The following CELF2 variants were observed in gnomAD, a reference collection of about 807,000 sequenced individuals.
CELF2 encodes the protein CUG triplet repeat RNA-binding protein 2.
A neutral mutation model predicts 62.6 loss-of-function variants in CELF2; 8 were observed. The observed-to-expected ratio is 0.13, with a 90% CI of 0.07 to 0.23. The LOEUF is 0.23. CELF2 is among the 10% of genes least tolerant of loss of function. The pLI, the probability that CELF2 is intolerant of heterozygous loss-of-function variation, is 1.00. For missense variants in CELF2, 333 were observed against 671.0 expected, an observed-to-expected ratio of 0.50 and a Z score of 5.56; for synonymous variants, 258 against 250.0, an observed-to-expected ratio of 1.03 and a Z score of -0.30.
the CELF2 span, among the ~76,000 whole-genome samples, chr10:10,494,501 C>A: frequency 2.6e-5 from 4 of 152,150 alleles, no homozygotes; most frequent in African/African-American, 9.6e-5. Flanking sequence ...GTTTTACATA[C>A]GGGAAGAACA....
Position 11,270,801 on chromosome 10 carries a change from G to A in CELF2, c.754G>A (p.Gly252Arg), listed in dbSNP as rs1419860276. Residue 252 changes from glycine (G) to arginine (R), a missense_variant, in exon 7 of 13, where the codon GGA (glycine) becomes AGA (arginine). Transcript: ENST00000633077. The surrounding 1 kb of genome is among the most constrained non-coding windows in gnomAD (Gnocchi z 5.8). ...ATWGNLTGLG[G>R]LTPQYLALLQ... ...CTGGGGGAACCTGACAGGGCTGGGC[G>A]GACTGACCCCACAGTATCTGGCGGT... 2 of 1,485,628 alleles carry A rather than the reference G, an allele frequency of 1.3e-6. No individual in the cohort carries two copies. Among genetic ancestry groups the A allele is most frequent in the African/African-American group, 1.4e-5 (1 of 70,152 alleles). 92.0% of individuals were successfully genotyped at this position (1,485,628 alleles called of 1,614,324 possible). A position where few individuals can be genotyped will look rare whatever the true frequency, so the allele number is the denominator to read the frequency against.
At chr10:11,062,536 C>T (rs897242396) in intron 1 of CELF2, among the ~76,000 whole-genome samples, 4 of 152,104 alleles carry the variant, frequency 2.6e-5, no homozygotes, top group African/African-American at 9.7e-5. Context: ...GGTTTCAAGA[C>T]TTCATTGGAG....
the CELF2 span, among the ~76,000 whole-genome samples, chr10:10,622,923 T>C: frequency 6.7e-6 from 1 of 149,908 alleles, no homozygotes; most frequent in Non-Finnish European, 1.5e-5. Context: ...CTACTAAAAA[T>C]ACAAAAAAAC....
At chr10:11,003,320 A>G (rs1288891259), upstream of CELF2, among the ~76,000 whole-genome samples, 2 of 152,342 alleles carry the variant, frequency 1.3e-5, no homozygotes, top group Admixed American at 6.5e-5. The surrounding 1 kb of genome is among the most constrained non-coding windows in gnomAD (Gnocchi z 4.4). Flanking sequence ...TGGGCTTCCA[A>G]TGTTAAGAAT....
intron 1 of CELF2, among the ~76,000 whole-genome samples, chr10:10,866,769 A>T (rs1284111862): frequency 1.3e-5 from 2 of 151,384 alleles, no homozygotes; most frequent in African/African-American, 4.9e-5. Context: ...AAAAACAAAA[A>T]ATTAGATGGG....
intron 1 of CELF2, among the ~76,000 whole-genome samples, chr10:11,035,303 A>G (rs989651673): frequency 4.6e-5 from 7 of 152,230 alleles, no homozygotes; most frequent in African/African-American, 1.7e-4. Context: ...TGTTGTTTCT[A>G]ATATGGTAGC....
chr10:10,929,566 C>T (rs929403972), intron 2 of CELF2: 1 of 152,162 alleles, frequency 6.6e-6, no homozygotes, highest in African/African-American at 2.4e-5. Flanking sequence ...AGCCAAACTC[C>T]GGCTTGTGTT....
the CELF2 span, among the ~76,000 whole-genome samples, chr10:10,587,657 CT>C: frequency 6.6e-6 from 1 of 152,084 alleles, no homozygotes; most frequent in African/African-American, 2.4e-5. Flanking sequence ...GTCCTTGTCC[CT>C]TTTCAAGACA....
chr10:10,982,805 A>G (rs2052299337), intron 2 of CELF2, among the ~76,000 whole-genome samples: 1 of 152,166 alleles, frequency 6.6e-6, no homozygotes, highest in Non-Finnish European at 1.5e-5. Context: ...CAGTTTGCCC[A>G]TTCTTGCCCA....
At chr10:11,092,301 T>C (rs1251726465) in intron 1 of CELF2, 1 of 152,222 alleles carries the variant, frequency 6.6e-6, no homozygotes, top group Non-Finnish European at 1.5e-5. Flanking sequence ...GCTTCCTTTA[T>C]TAGAATAATG....
At chr10:10,521,135 T>G in the CELF2 span, among the ~76,000 whole-genome samples, 1 of 152,154 alleles carries the variant, frequency 6.6e-6, no homozygotes, top group Non-Finnish European at 1.5e-5. Flanking sequence ...GTGTTGACCA[T>G]CAGAGAAGCA....
intron 1 of CELF2, among the ~76,000 whole-genome samples, chr10:11,148,499 T>C (rs1475738587): frequency 1.3e-5 from 2 of 152,122 alleles, no homozygotes; most frequent in Non-Finnish European, 2.9e-5. Flanking sequence ...GTTAGAGACA[T>C]ATATGAATTT....
intron 1 of CELF2, among the ~76,000 whole-genome samples, chr10:10,850,630 C>T (rs577505532): frequency 3.3e-5 from 5 of 152,234 alleles, no homozygotes; most frequent in East Asian, 1.9e-4. Flanking sequence ...ATAATAGCAA[C>T]ATCAATTGCA....
the CELF2 span, among the ~76,000 whole-genome samples, chr10:10,587,696 T>C: frequency 6.6e-6 from 1 of 152,202 alleles, no homozygotes; most frequent in African/African-American, 2.4e-5. Context: ...ATACCAAAAC[T>C]ATCCACGTTA....
At chr10:10,553,096 T>C in the CELF2 span, among the ~76,000 whole-genome samples, 1 of 152,186 alleles carries the variant, frequency 6.6e-6, no homozygotes, top group East Asian at 1.9e-4. Context: ...TTTAATTGAC[T>C]CACCGTTCTG....
intron 1 of CELF2, among the ~76,000 whole-genome samples, chr10:10,875,135 G>T (rs977657914): frequency 2.6e-5 from 4 of 152,072 alleles, no homozygotes; most frequent in Admixed American, 6.6e-5. Flanking sequence ...TTTCACTGAT[G>T]GTTCGTTCTT....
At chr10:10,506,269 C>CGTGTGT in the CELF2 span, among the ~76,000 whole-genome samples, 23,060 of 146,642 alleles carry the variant, frequency 0.16, 2,490 homozygotes, top group East Asian at 0.57. Flanking sequence ...AGATGCACTT[C>CGTGTGT]GTGTGTGTGT....
In CELF2 at chr10:11,319,250, C is replaced by G. The variant is rs1323700093; in HGVS notation, c.1097-1939C>G. The G allele has an allele frequency of 2.6e-6, 1 of 380,886 alleles. No homozygotes were observed. Among genetic ancestry groups the G allele is most frequent in the Non-Finnish European group, 5.4e-6 (1 of 186,582 alleles). The allele number at this position is 380,886 out of a possible 1,614,324, so 23.6% of individuals were successfully genotyped here. A position where few individuals can be genotyped will look rare whatever the true frequency, so the allele number is the denominator to read the frequency against. On this transcript the variant is annotated intron_variant, in intron 10 of 12. Transcript: ENST00000633077. This position sits in a 1 kb window ranked among gnomAD's most constrained non-coding sequence, Gnocchi z 4.4. ...ACCAACAGAATTTATCAGCAGCGTCCAGCCCTTCCCGAGTTATTGTACATA... is the reference window on the plus strand; with the variant it reads ...ACCAACAGAATTTATCAGCAGCGTCGAGCCCTTCCCGAGTTATTGTACATA...
chr10:11,009,511 C>A (rs991763727), intron 1 of CELF2, among the ~76,000 whole-genome samples: 1 of 152,164 alleles, frequency 6.6e-6, no homozygotes, highest in East Asian at 1.9e-4. Flanking sequence ...TATCTCCCCC[C>A]ACAGCTTTCT....
Sources: allele counts gnomAD v4.1 joint callset (sites outside exome capture counted in the v4.1 genomes callset), GRCh38; gene constraint gnomAD v4.1.1; non-coding constraint Gnocchi (gnomAD v3.1); transcripts MANE v1.5; gene names NCBI Gene and HGNC (gene_info 2026-07-23, HGNC 2026-07-21).